Variants in GRID1 observed in about 807,000 individuals in gnomAD.
GRID1 encodes glutamate ionotropic receptor delta type subunit 1.
In GRID1, 28 loss-of-function variants were observed where a neutral mutation model predicts 98.0. The observed-to-expected ratio is 0.29, with a 90% CI of 0.21 to 0.39. The LOEUF (loss-of-function observed/expected upper bound fraction) is 0.39. GRID1 is among the 10% of genes least tolerant of loss of function. GRID1 has a pLI of 1.00. For missense variants in GRID1, 1,111 were observed against 1,340.5 expected (o/e 0.83, Z 2.67); for synonymous variants, 553 against 538.5 (o/e 1.03, Z -0.37).
In GRID1 at chr10:85,915,335, TAC is replaced by T. The variant is rs373925340; in HGVS notation, c.780+849_780+850del. Among the ~76,000 whole-genome samples the T allele has an allele frequency of 1.2e-3, 181 of 151,968 alleles. 2 individuals carry two copies. The highest frequency in any genetic ancestry group is 1.9e-3 in the Non-Finnish European group (129 of 67,958). On this transcript the variant is annotated intron_variant, in intron 5 of 15. Coordinates refer to ENST00000327946, the MANE Select transcript of GRID1 (RefSeq NM_017551.3). ...ACATATACATACACAAACTCACGTA[TAC>T]ACACTCATGCACACACACTCATACA...
At chr10:85,783,411 C>T (rs867126161) in intron 8 of GRID1, among the ~76,000 whole-genome samples, 2 of 152,152 alleles carry the variant, frequency 1.3e-5, no homozygotes. Context: ...TGGGGCAAGA[C>T]CTCTCATCCT....
chr10:85,751,384 G>A (rs1842044372), intron 8 of GRID1, among the ~76,000 whole-genome samples: 3 of 152,182 alleles, frequency 2.0e-5, no homozygotes, highest in Non-Finnish European at 4.4e-5. Context: ...AGGAGACAAA[G>A]GTGATATTAG....
chr10:86,251,742 CT>C (rs1271437094), intron 2 of GRID1, among the ~76,000 whole-genome samples: 2 of 152,172 alleles, frequency 1.3e-5, no homozygotes, highest in Non-Finnish European at 2.9e-5. Context: ...TGAAACAGGC[CT>C]TCACCAGGGG....
chr10:86,330,467 C>G (rs1001397700), intron 2 of GRID1, among the ~76,000 whole-genome samples: 2 of 152,190 alleles, frequency 1.3e-5, no homozygotes, highest in Non-Finnish European at 2.9e-5. Flanking sequence ...GCCCAGGGCT[C>G]AAGACAGATG....
intron 2 of GRID1, among the ~76,000 whole-genome samples, chr10:86,329,095 G>A (rs1330241746): frequency 6.6e-6 from 1 of 152,200 alleles, no homozygotes; most frequent in African/African-American, 2.4e-5. Flanking sequence ...AAAGAAGCAG[G>A]GGTGTGAGAC....
At chr10:85,709,126 C>T (rs767310891) in intron 12 of GRID1, 33 of 342,198 alleles carry the variant, frequency 9.6e-5, no homozygotes, top group Non-Finnish European at 1.6e-4. Context: ...GGTATACCAG[C>T]AATGTGTCAG....
Position 85,750,759 on chromosome 10 carries a change from T to C in GRID1, c.1234-21145A>G, listed in dbSNP as rs141729242. On this transcript the variant is annotated intron_variant, in intron 8 of 15. Coordinates refer to ENST00000327946, the MANE Select transcript of GRID1 (RefSeq NM_017551.3). ...GAACTATCCTAGGGAAGGACTCCTATAGCTTAATGACAGAAACAAAAGTAA... is the reference window on the plus strand; with the variant it reads ...GAACTATCCTAGGGAAGGACTCCTACAGCTTAATGACAGAAACAAAAGTAA... Among the ~76,000 whole-genome samples the C allele has an allele frequency of 2.9e-3, 437 of 152,284 alleles. 2 individuals carry two copies. Among genetic ancestry groups the C allele is most frequent in the African/African-American group, 0.01 (416 of 41,554 alleles).
intron 2 of GRID1, among the ~76,000 whole-genome samples, chr10:86,279,837 A>T (rs1379680611): frequency 6.6e-6 from 1 of 152,250 alleles, no homozygotes; most frequent in East Asian, 1.9e-4. Flanking sequence ...TCATTTACTT[A>T]GAAAATTTGA....
At chr10:86,237,347 T>C (rs1262368396) in intron 2 of GRID1, among the ~76,000 whole-genome samples, 1 of 152,184 alleles carries the variant, frequency 6.6e-6, no homozygotes, top group East Asian at 1.9e-4. Flanking sequence ...GAGGGTGGAT[T>C]TCCCTCTTGC....
chr10:86,148,889 C>T (rs1049764157), intron 3 of GRID1, among the ~76,000 whole-genome samples: 1 of 152,178 alleles, frequency 6.6e-6, no homozygotes, highest in African/African-American at 2.4e-5. Flanking sequence ...TGATCCTGGA[C>T]AACCACCTCT....
intron 2 of GRID1, among the ~76,000 whole-genome samples, chr10:86,213,062 G>A (rs905292511): frequency 2.6e-5 from 4 of 152,164 alleles, no homozygotes; most frequent in Non-Finnish European, 5.9e-5. Flanking sequence ...GTGTTTCAGT[G>A]ATTCTCTGCC....
At chr10:85,799,957 T>C (rs766956759) in intron 8 of GRID1, among the ~76,000 whole-genome samples, 1 of 152,060 alleles carries the variant, frequency 6.6e-6, no homozygotes, top group Non-Finnish European at 1.5e-5. Flanking sequence ...TATATATGTA[T>C]CAAAACATCA....
chr10:86,273,187 T>G (rs1847212147), intron 2 of GRID1, among the ~76,000 whole-genome samples: 1 of 151,672 alleles, frequency 6.6e-6, no homozygotes, highest in South Asian at 2.1e-4. Flanking sequence ...CTTGCGATAG[T>G]TTACTGAGAA....
intron 8 of GRID1, among the ~76,000 whole-genome samples, chr10:85,846,300 G>A (rs1843004364): frequency 6.6e-6 from 1 of 152,192 alleles, no homozygotes; most frequent in Non-Finnish European, 1.5e-5. Flanking sequence ...TTGGGAGACT[G>A]AGGGGGCAGA....
chr10:86,004,749 C>CACACAA lies in GRID1; in HGVS notation c.727-88511_727-88510insTTGTGT, dbSNP rs145254643. ...TTCTACACACACACACTCACACACA[C>CACACAA]ACACACACAGACTTGATTCTGTTTC... On this transcript the variant is annotated intron_variant, in intron 4 of 15. Transcript: ENST00000327946. Among the ~76,000 whole-genome samples, 9 of 151,468 alleles carry CACACAA rather than the reference C, an allele frequency of 5.9e-5. No individual in the cohort carries two copies. The South Asian group carries it at 8.3e-4, about 14-fold the overall frequency.
At chr10:86,291,484 G>C (rs185907730) in intron 2 of GRID1, among the ~76,000 whole-genome samples, 1 of 152,062 alleles carries the variant, frequency 6.6e-6, no homozygotes, top group Non-Finnish European at 1.5e-5. Context: ...CAGCAGCCTC[G>C]CCAGTACCAG....
intron 8 of GRID1, among the ~76,000 whole-genome samples, chr10:85,845,759 T>C (rs1035148268): frequency 2.0e-5 from 3 of 152,152 alleles, no homozygotes; most frequent in Non-Finnish European, 4.4e-5. Flanking sequence ...TATACCTGTA[T>C]GATAATAAAA....
At chr10:86,009,140 GA>G (rs1304926780) in intron 4 of GRID1, among the ~76,000 whole-genome samples, 4 of 150,262 alleles carry the variant, frequency 2.7e-5, no homozygotes, top group South Asian at 2.1e-4. Flanking sequence ...ACTTATAACC[GA>G]AAAAAAAAGT....
intron 12 of GRID1, among the ~76,000 whole-genome samples, chr10:85,708,524 T>A (rs1400095838): frequency 6.6e-6 from 1 of 152,130 alleles, no homozygotes; most frequent in African/African-American, 2.4e-5. Context: ...GGTAAACTCA[T>A]AAGAATAGTA....
Sources: allele counts gnomAD v4.1 joint callset (sites outside exome capture counted in the v4.1 genomes callset), GRCh38; gene constraint gnomAD v4.1.1; transcripts MANE v1.5; gene names NCBI Gene and HGNC (gene_info 2026-07-23, HGNC 2026-07-21).